RPS6KA1: variants seen among roughly 807,000 people sequenced by gnomAD.
RPS6KA1 encodes the protein ribosomal protein S6 kinase alpha-1.
In RPS6KA1, 48 loss-of-function variants were observed where a neutral mutation model predicts 91.3. That is an observed-to-expected ratio of 0.53 (90% CI 0.42 to 0.67). The LOEUF is 0.67. RPS6KA1 is among the 30% of genes least tolerant of loss of function. The pLI is 0.00. For synonymous variants in RPS6KA1, 359 were observed against 384.7 expected, an observed-to-expected ratio of 0.93 and a Z score of 0.78; for missense variants, 719 against 960.5, an observed-to-expected ratio of 0.75 and a Z score of 3.32.
intron 2 of RPS6KA1, chr1:26,543,219 A>G: frequency 6.5e-7 from 1 of 1,534,356 alleles, no homozygotes; most frequent in Non-Finnish European, 8.7e-7. Context: ...CTGTCCCAGA[A>G]AGGTGAGCAG....
intron 21 of RPS6KA1, among the ~76,000 whole-genome samples, chr1:26,573,716 G>A (rs1377196809): frequency 6.6e-6 from 1 of 152,034 alleles, no homozygotes; most frequent in Non-Finnish European, 1.5e-5. Context: ...GAGGTGGGTG[G>A]ATCACGAGGT....
At chr1:26,544,959 C>A (rs1163172358) in intron 2 of RPS6KA1, among the ~76,000 whole-genome samples, 1 of 152,156 alleles carries the variant, frequency 6.6e-6, no homozygotes, top group Admixed American at 6.5e-5. Flanking sequence ...TATCTGCCTA[C>A]ACACATTGGG....
rs886244963 is a variant in RPS6KA1 at position 26,572,162 on chromosome 1, G to A, written c.1830-14G>A. 1.1e-5 allele frequency: 17 copies of A among 1,604,838 alleles called. No homozygotes were observed. Among genetic ancestry groups the A allele is most frequent in the Non-Finnish European group, 1.4e-5 (16 of 1,171,708 alleles). ...GCCAGAGTCTGTACCCAGACCGTGC[G>A]GGCTTTTCTGCAGATATACTCCATT... On this transcript the variant is annotated splice_polypyrimidine_tract_variant and intron_variant, in intron 19 of 21. Transcript: ENST00000374168.
At position 26,540,277 on chromosome 1, in the gene RPS6KA1, C is replaced by T. The variant is rs1167436151; in HGVS notation, c.108+3308C>T. 1.3e-5 allele frequency among the ~76,000 whole-genome samples: 2 copies of T among 152,150 alleles called. No homozygotes were observed. The highest frequency in any genetic ancestry group is 1.5e-5 in the Non-Finnish European group (1 of 68,038). ...ACCTTCATTTTACAGAGGAGGAAAC[C>T]GAGGTTCAGACAGGGAAACAGATTT... On this transcript the variant is annotated intron_variant, in intron 2 of 21. Coordinates refer to ENST00000374168, the MANE Select transcript of RPS6KA1 (RefSeq NM_002953.4). This position sits in a 1 kb window ranked among gnomAD's most constrained non-coding sequence, Gnocchi z 4.2.
rs572649319 is a variant in RPS6KA1, at chr1:26,532,368, G to A, written c.63+2385G>A. On this transcript the variant is annotated intron_variant, in intron 1 of 21. Transcript: ENST00000374168. ...GGATTATTACCCCTGTTTTCAGATG[G>A]GACAACTGAAAACTCAGGCTTATGT... Among the ~76,000 whole-genome samples, 14 of 152,238 alleles carry A rather than the reference G, an allele frequency of 9.2e-5. No individual in the cohort carries two copies. The South Asian group carries it at 2.9e-3, about 32-fold the overall frequency.
At chr1:26,559,062 A>G in intron 14 of RPS6KA1, 125 bp downstream of exon 14, 1 of 1,185,930 alleles carries the variant, frequency 8.4e-7, no homozygotes, top group Non-Finnish European at 1.2e-6. Context: ...AGGGCCTCCA[A>G]CATAAAACAG....
intron 2 of RPS6KA1, among the ~76,000 whole-genome samples, chr1:26,542,382 C>CT: frequency 6.6e-6 from 1 of 152,274 alleles, no homozygotes; most frequent in South Asian, 2.1e-4. Context: ...AGGGGAAGTC[C>CT]GTGTGTGCGT....
At chr1:26,545,357 T>C (rs2075984500) in intron 2 of RPS6KA1, among the ~76,000 whole-genome samples, 1 of 149,826 alleles carries the variant, frequency 6.7e-6, no homozygotes, top group African/African-American at 2.5e-5. Context: ...TTTGTATTTT[T>C]AGTAGAGACA....
chr1:26,567,691 C>T (rs2076216097), intron 17 of RPS6KA1, among the ~76,000 whole-genome samples: 1 of 152,128 alleles, frequency 6.6e-6, no homozygotes. Flanking sequence ...GTCTCTAGTG[C>T]TTCTTCCCAA....
Position 26,551,884 on chromosome 1 carries a change from G to T in RPS6KA1, c.468+161G>T, listed in dbSNP as rs924251254. On this transcript the variant is annotated intron_variant, in intron 6 of 21. Transcript: ENST00000374168. The surrounding 1 kb of genome is among the most constrained non-coding windows in gnomAD (Gnocchi z 4.5). ...GGCCCAGGAAATACCACGCACCCTGGAATGGAGGCCATACGCTGGCAAGGT... is the reference window on the plus strand; with the variant it reads ...GGCCCAGGAAATACCACGCACCCTGTAATGGAGGCCATACGCTGGCAAGGT... 1.3e-5 allele frequency among the ~76,000 whole-genome samples: 2 copies of T among 152,198 alleles called. No individual in the cohort carries two copies. Among genetic ancestry groups the T allele is most frequent in the African/African-American group, 4.8e-5 (2 of 41,450 alleles).
At position 26,529,884 on chromosome 1, in the gene RPS6KA1, G is replaced by A. The variant is rs1570412499; in HGVS notation, c.-37G>A. 4 of 1,401,736 alleles carry A rather than the reference G, an allele frequency of 2.9e-6. No individual in the cohort carries two copies. The East Asian group carries it at 1.4e-4, about 47-fold the overall frequency. The allele number at this position is 1,401,736 out of a possible 1,614,324, so 86.8% of individuals were successfully genotyped here. ...GGACCCGGGAGGCGGCGCAGCCGGGGCCGCCGGAGGAGCGCGGGTGACCTG... is the reference window on the plus strand; with the variant it reads ...GGACCCGGGAGGCGGCGCAGCCGGGACCGCCGGAGGAGCGCGGGTGACCTG... On this transcript the variant is annotated 5_prime_UTR_variant, in exon 1 of 22. Coordinates refer to ENST00000374168, the MANE Select transcript of RPS6KA1 (RefSeq NM_002953.4). This position sits in a 1 kb window ranked among gnomAD's most constrained non-coding sequence, Gnocchi z 4.2.
chr1:26,530,846 C>T (rs758533743), intron 1 of RPS6KA1: 7 of 1,287,082 alleles, frequency 5.4e-6, no homozygotes, highest in South Asian at 2.5e-5. Context: ...CAAGGTCAAG[C>T]CCCTGAATGA....
At chr1:26,546,163 C>A in intron 2 of RPS6KA1, 1 of 1,084,498 alleles carries the variant, frequency 9.2e-7, no homozygotes, top group Non-Finnish European at 1.3e-6. Flanking sequence ...GGTGACTGGA[C>A]CCTGCCCAGA....
At chr1:26,550,934 A>G (rs1167480349) in intron 4 of RPS6KA1, among the ~76,000 whole-genome samples, 1 of 152,192 alleles carries the variant, frequency 6.6e-6, no homozygotes, top group Non-Finnish European at 1.5e-5. Context: ...CCAGGGATCC[A>G]GCTCACCAGG....
chr1:26,546,530 CAG>C (rs1221010794), intron 2 of RPS6KA1, among the ~76,000 whole-genome samples: 10 of 152,196 alleles, frequency 6.6e-5, no homozygotes, highest in South Asian at 2.1e-4. Flanking sequence ...ACTAAAACAA[CAG>C]GGGGAGGGAA....
intron 1 of RPS6KA1, 32 bp downstream of exon 1, chr1:26,530,015 C>T: frequency 1.5e-6 from 2 of 1,305,826 alleles, no homozygotes; most frequent in Non-Finnish European, 1.9e-6. Context: ...CGGGCGCCCG[C>T]GGCCGGCGAG....
chr1:26,555,622 C>A lies in RPS6KA1; in HGVS notation c.913C>A (p.Leu305Ile). ...GTTCAAGCGGAATCCTGCCAACCGG[C>A]TCGGTAAGCAGCCCCAGCTCAGGGG... ...ALFKRNPANR[L>I]GSGPDGAEEI... The change falls in exon 11 of 22, where the codon CTC (leucine) becomes ATC (isoleucine). Residue 305 changes from leucine to isoleucine, a missense_variant. Coordinates refer to ENST00000374168, the MANE Select transcript of RPS6KA1 (RefSeq NM_002953.4). The surrounding 1 kb of genome is among the most constrained non-coding windows in gnomAD (Gnocchi z 4.3). 1.3e-6 allele frequency: 2 copies of A among 1,591,558 alleles called. No homozygotes were observed. The highest frequency in any genetic ancestry group is 1.7e-6 in the Non-Finnish European group (2 of 1,168,124).
At position 26,555,620 on chromosome 1, in the gene RPS6KA1, G is replaced by A. The variant is rs1240617844; in HGVS notation, c.911G>A (p.Arg304Gln). 7 of 1,591,948 alleles carry A rather than the reference G, an allele frequency of 4.4e-6. No individual in the cohort carries two copies. Among genetic ancestry groups the A allele is most frequent in the Admixed American group, 1.7e-5 (1 of 57,920 alleles). Reference sequence around the variant, plus strand: ...CTGTTCAAGCGGAATCCTGCCAACCGGCTCGGTAAGCAGCCCCAGCTCAGG... The same window carrying A: ...CTGTTCAAGCGGAATCCTGCCAACCAGCTCGGTAAGCAGCCCCAGCTCAGG... ...RALFKRNPAN[R>Q]LGSGPDGAEE... Residue 304 changes from arginine (R) to glutamine (Q), a missense_variant, in exon 11 of 22, where the codon CGG becomes CAG. Transcript: ENST00000374168. This position sits in a 1 kb window ranked among gnomAD's most constrained non-coding sequence, Gnocchi z 4.3.
At chr1:26,564,941 A>G (rs2076186391) in intron 17 of RPS6KA1, among the ~76,000 whole-genome samples, 1 of 152,238 alleles carries the variant, frequency 6.6e-6, no homozygotes, top group South Asian at 2.1e-4. Flanking sequence ...CAGGCAAGCC[A>G]GTGTACCCGT....
Sources: gnomAD v4.1 joint callset for allele counts (sites outside exome capture counted in the v4.1 genomes callset) on GRCh38, gnomAD v4.1.1 for gene constraint, Gnocchi (gnomAD v3.1) non-coding constraint, MANE v1.5 for transcripts, NCBI Gene and HGNC (gene_info 2026-07-23, HGNC 2026-07-21) for gene names.